DMRT1: variants seen among roughly 807,000 people sequenced by gnomAD.
The protein encoded by DMRT1 is doublesex and mab-3 related transcription factor 1.
In DMRT1, 7 loss-of-function variants were observed where a neutral mutation model predicts 32.3. The observed-to-expected ratio is 0.22, with a 90% CI of 0.12 to 0.41. DMRT1 has a LOEUF of 0.41. DMRT1 is among the 10% of genes least tolerant of loss of function. DMRT1 has a pLI of 1.00. For missense variants in DMRT1, 625 were observed against 500.5 expected (o/e 1.25, Z -2.37); for synonymous variants, 278 against 206.1 (o/e 1.35, Z -2.99).
intron 4 of DMRT1, among the ~76,000 whole-genome samples, chr9:943,665 C>T (rs953772387): frequency 1.2e-4 from 19 of 152,224 alleles, no homozygotes; most frequent in Non-Finnish European, 2.6e-4. Flanking sequence ...GCGAAATGGA[C>T]TTCTTCTTCT....
chr9:892,416 G>A lies in DMRT1; in HGVS notation c.539-1496G>A, dbSNP rs909805874. ...CTCACCCTCACCCAGCCCTCCACCT[G>A]CACACCTGCCCACCCTCTGCTCTAC... On this transcript the variant is annotated intron_variant, in intron 2 of 4. Transcript: ENST00000382276. 3.3e-5 allele frequency among the ~76,000 whole-genome samples: 5 copies of A among 150,770 alleles called. No individual in the cohort carries two copies. The East Asian group carries it at 7.9e-4, about 24-fold the overall frequency.
intron 2 of DMRT1, among the ~76,000 whole-genome samples, chr9:885,453 C>T (rs1225838387): frequency 6.6e-6 from 1 of 152,266 alleles, no homozygotes; most frequent in East Asian, 1.9e-4. Context: ...GTCAGGCTGT[C>T]GAGCGGCCCG....
At chr9:851,045 A>AAAT (rs375863067) in intron 2 of DMRT1, among the ~76,000 whole-genome samples, 1 of 14,178 alleles carries the variant, frequency 7.1e-5, no homozygotes, top group Non-Finnish European at 3.1e-4. Context: ...AAAAAAAAAA[A>AAAT]GAAAGAAAAA....
intron 4 of DMRT1, among the ~76,000 whole-genome samples, chr9:936,296 A>G (rs1297866349): frequency 1.3e-5 from 2 of 152,062 alleles, no homozygotes; most frequent in Non-Finnish European, 2.9e-5. Context: ...TAGGACATAG[A>G]TATTGCAGTT....
At chr9:860,921 G>C (rs1815630452) in intron 2 of DMRT1, among the ~76,000 whole-genome samples, 1 of 152,204 alleles carries the variant, frequency 6.6e-6, no homozygotes, top group African/African-American at 2.4e-5. Flanking sequence ...GTGGGGTTGT[G>C]TCATGGGCTC....
chr9:937,974 T>C (rs958793559), intron 4 of DMRT1, among the ~76,000 whole-genome samples: 1 of 152,192 alleles, frequency 6.6e-6, no homozygotes, highest in Non-Finnish European at 1.5e-5. Flanking sequence ...TTTATAGTTA[T>C]AGTTTTAGCT....
intron 4 of DMRT1, 40 bp downstream of exon 4, chr9:916,947 G>A (rs573878580): frequency 6.2e-7 from 1 of 1,612,668 alleles, no homozygotes; most frequent in South Asian, 1.1e-5. Context: ...GGGGTTGAGA[G>A]AGGATGGCTA....
At chr9:946,844 C>T (rs1471415267) in intron 4 of DMRT1, among the ~76,000 whole-genome samples, 1 of 152,100 alleles carries the variant, frequency 6.6e-6, no homozygotes, top group African/African-American at 2.4e-5. Context: ...TGGGTGTGTA[C>T]GTCCAGGTCT....
intron 2 of DMRT1, among the ~76,000 whole-genome samples, chr9:854,810 G>C (rs1489141146): frequency 6.8e-6 from 1 of 146,268 alleles, no homozygotes; most frequent in Non-Finnish European, 1.5e-5. Flanking sequence ...CTGTCACCCA[G>C]GCTGGAGTGC....
chr9:841,776 C>T lies in DMRT1; in HGVS notation c.-63C>T. 1 of 1,558,688 alleles carries T rather than the reference C, an allele frequency of 6.4e-7. No homozygotes were observed. Among genetic ancestry groups the T allele is most frequent in the South Asian group, 1.2e-5 (1 of 85,050 alleles). On this transcript the variant is annotated 5_prime_UTR_variant, in exon 1 of 5. Coordinates refer to ENST00000382276, the MANE Select transcript of DMRT1 (RefSeq NM_021951.3). ...GAGCGTCGCTGTCCGTCGGGTTCAT[C>T]CCTCGCAGCAGTCTCCAGGCGAGAG...
chr9:864,701 C>A (rs565247186), intron 2 of DMRT1, among the ~76,000 whole-genome samples: 2,857 of 151,046 alleles, frequency 0.019, 62 homozygotes, highest in African/African-American at 0.055. Context: ...AGGGTTTCAC[C>A]ATGTTAGCCA....
intron 2 of DMRT1, among the ~76,000 whole-genome samples, chr9:861,153 G>T (rs1195839471): frequency 2.0e-5 from 3 of 150,852 alleles, no homozygotes; most frequent in Non-Finnish European, 2.9e-5. Context: ...GGGAAGGTCA[G>T]CAGATAAACA....
At chr9:924,357 C>T (rs1818455119) in intron 4 of DMRT1, among the ~76,000 whole-genome samples, 1 of 152,220 alleles carries the variant, frequency 6.6e-6, no homozygotes, top group South Asian at 2.1e-4. Context: ...CAGATGTGAG[C>T]CACTGTGCCT....
At chr9:922,037 C>T (rs559271803) in intron 4 of DMRT1, among the ~76,000 whole-genome samples, 7 of 120,062 alleles carry the variant, frequency 5.8e-5, no homozygotes, top group Middle Eastern at 4.6e-3. Context: ...AGCACCACAA[C>T]GCCCAGCTAA....
At chr9:892,450 G>A (rs903780757) in intron 2 of DMRT1, among the ~76,000 whole-genome samples, 2 of 152,000 alleles carry the variant, frequency 1.3e-5, no homozygotes, top group East Asian at 3.9e-4. Flanking sequence ...ACACACCCAG[G>A]CTCCTGCTCT....
In DMRT1 at chr9:868,827, T is replaced by C. The variant is rs186783531; in HGVS notation, c.538+21684T>C. ...GAGTTTGAGATCAGCCTGGGCAACA[T>C]GGTGAAGCCCCATTCCTACAAAAAA... On this transcript the variant is annotated intron_variant, in intron 2 of 4. Coordinates refer to ENST00000382276, the MANE Select transcript of DMRT1 (RefSeq NM_021951.3). 9.7e-4 allele frequency among the ~76,000 whole-genome samples: 147 copies of C among 152,194 alleles called. 2 individuals carry two copies. Among genetic ancestry groups the C allele is most frequent in the Admixed American group, 7.9e-3 (121 of 15,284 alleles).
chr9:924,886 T>C (rs1311333058), intron 4 of DMRT1, among the ~76,000 whole-genome samples: 1 of 152,196 alleles, frequency 6.6e-6, no homozygotes, highest in East Asian at 1.9e-4. Flanking sequence ...TTTCTGTCTT[T>C]CCTTCAAACT....
Position 858,788 on chromosome 9 carries a change from C to T in DMRT1, c.538+11645C>T, listed in dbSNP as rs567769584. Among the ~76,000 whole-genome samples, 12 of 150,580 alleles carry T rather than the reference C, an allele frequency of 8.0e-5. No homozygotes were observed. In the East Asian group the frequency reaches 1.2e-3, roughly 15 times the overall value. ...ACTTGTGAGGCTAAGGCAGGAGAATCGCTTGAACCTGGGAGTCGGAGGTTG... is the reference window on the plus strand; with the variant it reads ...ACTTGTGAGGCTAAGGCAGGAGAATTGCTTGAACCTGGGAGTCGGAGGTTG... On this transcript the variant is annotated intron_variant, in intron 2 of 4. Transcript: ENST00000382276.
At chr9:920,588 C>G (rs1033185170) in intron 4 of DMRT1, among the ~76,000 whole-genome samples, 6 of 152,310 alleles carry the variant, frequency 3.9e-5, no homozygotes, top group Admixed American at 6.5e-5. Context: ...TGAATACAGG[C>G]AGCTCTTCAG....
Sources: allele counts gnomAD v4.1 joint callset (sites outside exome capture counted in the v4.1 genomes callset), GRCh38; gene constraint gnomAD v4.1.1; transcripts MANE v1.5; gene names NCBI Gene and HGNC (gene_info 2026-07-23, HGNC 2026-07-21).